Variants in PLCH1 observed in about 807,000 individuals in gnomAD.
PLCH1 encodes the protein 1-phosphatidylinositol 4,5-bisphosphate phosphodiesterase eta-1.
A neutral mutation model predicts 126.7 loss-of-function variants in PLCH1; 60 were observed. The ratio of observed to expected loss-of-function variants is 0.47; its 90% confidence interval spans 0.38 to 0.59. The LOEUF is 0.59. PLCH1 is among the 20% of genes least tolerant of loss of function. The pLI, the probability that PLCH1 is intolerant of heterozygous loss-of-function variation, is 0.00. For missense variants in PLCH1, 1,723 were observed against 2,040.0 expected (o/e 0.84, Z 2.99); for synonymous variants, 719 against 734.9 (o/e 0.98, Z 0.35).
chr3:155,483,288 A>T, intron 22 of PLCH1: 1 of 1,142,636 alleles, frequency 8.8e-7, no homozygotes, highest in Non-Finnish European at 1.3e-6. Flanking sequence ...TCTGCTAAGG[A>T]TGTAATATTC....
intron 1 of PLCH1, among the ~76,000 whole-genome samples, chr3:155,722,007 A>C (rs1248697441): frequency 1.3e-5 from 2 of 152,092 alleles, no homozygotes; most frequent in Non-Finnish European, 2.9e-5. Context: ...AGATCGTGGC[A>C]CTGCCCTGCA....
At chr3:155,558,594 A>T (rs1219972674) in intron 8 of PLCH1, among the ~76,000 whole-genome samples, 2 of 152,340 alleles carry the variant, frequency 1.3e-5, no homozygotes, top group East Asian at 3.9e-4. Flanking sequence ...CTGCAATAAA[A>T]GTTATGTGAA....
At chr3:155,451,613 G>T (rs539494688) in intron 21 of PLCH1, among the ~76,000 whole-genome samples, 31 of 152,122 alleles carry the variant, frequency 2.0e-4, no homozygotes, top group African/African-American at 7.0e-4. Context: ...CAATGTGTGC[G>T]GGCCTCTTTC....
chr3:155,469,415 G>A (rs553664808), intron 21 of PLCH1, among the ~76,000 whole-genome samples: 16 of 152,300 alleles, frequency 1.1e-4, no homozygotes, highest in South Asian at 4.1e-4. Flanking sequence ...CACCTGGCTC[G>A]GAGGGTCCTA....
chr3:155,672,584 TC>T (rs2108988620), intron 2 of PLCH1, among the ~76,000 whole-genome samples: 1 of 152,278 alleles, frequency 6.6e-6, no homozygotes. Context: ...TTCTCTAACT[TC>T]TTGGAGAAAT....
intron 2 of PLCH1, among the ~76,000 whole-genome samples, chr3:155,674,066 A>G (rs1382072279): frequency 6.6e-6 from 1 of 152,116 alleles, no homozygotes; most frequent in African/African-American, 2.4e-5. Context: ...TCTTCTTACT[A>G]AAAAGGAAAT....
chr3:155,470,988 A>T (rs567753645), intron 21 of PLCH1, among the ~76,000 whole-genome samples: 1 of 152,028 alleles, frequency 6.6e-6, no homozygotes, highest in Non-Finnish European at 1.5e-5. Context: ...AAATGTAAAG[A>T]CCATCGAGAC....
intron 2 of PLCH1, among the ~76,000 whole-genome samples, chr3:155,605,696 T>A (rs551754564): frequency 6.6e-6 from 1 of 152,206 alleles, no homozygotes. Flanking sequence ...CCTTTTGCAA[T>A]GGCAGCCCGA....
chr3:155,480,024 T>C lies in PLCH1; in HGVS notation c.*944A>G, dbSNP rs1027146406. 1.3e-5 allele frequency: 2 copies of C among 152,500 alleles called. No individual in the cohort carries two copies. The highest frequency in any genetic ancestry group is 4.8e-5 in the African/African-American group (2 of 41,420). The allele number at this position is 152,500 out of a possible 1,614,324, so 9.4% of individuals were successfully genotyped here. On this transcript the variant is annotated 3_prime_UTR_variant, in exon 23 of 23. Transcript: ENST00000460012. Reference sequence around the variant, plus strand: ...TCACAGTGAAAATAATGCATGTCAGTACTAAAATAGAGTTGCTTGGTTCCC... The same window carrying C: ...TCACAGTGAAAATAATGCATGTCAGCACTAAAATAGAGTTGCTTGGTTCCC...
chr3:155,514,731 G>A lies in PLCH1; in HGVS notation c.1624C>T (p.Leu542=). 2 of 1,564,160 alleles carry A rather than the reference G, an allele frequency of 1.3e-6. No individual in the cohort carries two copies. The highest frequency in any genetic ancestry group is 1.7e-6 in the Non-Finnish European group (2 of 1,150,190). The change falls in exon 12 of 23, where the codon CTG becomes TTG. Residue 542 remains leucine, a synonymous_variant. Transcript: ENST00000460012. ...AAGAGGGAATCAGATACCTGCTTCA[G>A]GTGTGCATTTAAGCCTTCATGCGTG... The part of the protein sequence containing the change: ...KATHEGLNAH[L]KQSPDVKESG...
At chr3:155,706,610 C>A (rs1036086831) in intron 1 of PLCH1, among the ~76,000 whole-genome samples, 1 of 131,084 alleles carries the variant, frequency 7.6e-6, no homozygotes, top group Admixed American at 8.1e-5. Context: ...ACAAAGACTC[C>A]GTCTCAAAAA....
chr3:155,476,220 T>C (rs572032678), downstream of PLCH1, among the ~76,000 whole-genome samples: 2 of 152,282 alleles, frequency 1.3e-5, no homozygotes, highest in South Asian at 2.1e-4. Flanking sequence ...ATAATTTCAA[T>C]TGATGCTGAA....
chr3:155,617,165 G>T (rs77096388), intron 2 of PLCH1, among the ~76,000 whole-genome samples: 1 of 152,084 alleles, frequency 6.6e-6, no homozygotes, highest in Admixed American at 6.5e-5. Flanking sequence ...CTTGTCAATT[G>T]TGTCTTTAAC....
intron 2 of PLCH1, among the ~76,000 whole-genome samples, chr3:155,703,395 C>T (rs1309617533): frequency 6.6e-6 from 1 of 152,174 alleles, no homozygotes; most frequent in Non-Finnish European, 1.5e-5. Flanking sequence ...AAAATTCTGG[C>T]ACCACATAAG....
intron 12 of PLCH1, among the ~76,000 whole-genome samples, chr3:155,508,830 C>T (rs1272319106): frequency 3.2e-5 from 2 of 62,056 alleles, no homozygotes; most frequent in East Asian, 3.8e-4. Context: ...TTGGTTGTGT[C>T]TCTGCCCGGC....
chr3:155,738,051 G>T (rs765512968), intron 1 of PLCH1, among the ~76,000 whole-genome samples: 3 of 152,162 alleles, frequency 2.0e-5, no homozygotes, highest in Non-Finnish European at 2.9e-5. Flanking sequence ...ACATCCAGTG[G>T]CAATTGACCG....
intron 12 of PLCH1, among the ~76,000 whole-genome samples, chr3:155,509,190 C>G (rs1435456018): frequency 2.2e-5 from 3 of 136,126 alleles, no homozygotes; most frequent in Non-Finnish European, 4.6e-5. Flanking sequence ...TCTGTGCGAT[C>G]AGTGGTGATA....
intron 2 of PLCH1, among the ~76,000 whole-genome samples, chr3:155,696,929 A>G (rs1745861176): frequency 6.6e-6 from 1 of 152,238 alleles, no homozygotes; most frequent in Admixed American, 6.5e-5. Context: ...ATTGAAAGCT[A>G]AAGCTTCAAA....
chr3:155,621,573 T>G (rs187410584), intron 2 of PLCH1, among the ~76,000 whole-genome samples: 3 of 152,278 alleles, frequency 2.0e-5, no homozygotes, highest in African/African-American at 7.2e-5. Flanking sequence ...ACAAATTACC[T>G]GATTGAGCTG....
Sources: allele counts gnomAD v4.1 joint callset (sites outside exome capture counted in the v4.1 genomes callset), GRCh38; gene constraint gnomAD v4.1.1; transcripts MANE v1.5; gene names NCBI Gene and HGNC (gene_info 2026-07-23, HGNC 2026-07-21).